The following TGFBR3 variants were observed in gnomAD, a reference collection of about 807,000 sequenced individuals.
The protein encoded by TGFBR3 is transforming growth factor beta receptor 3.
In TGFBR3, 46 loss-of-function variants were observed where a neutral mutation model predicts 87.9. The observed-to-expected ratio is 0.52, with a 90% CI of 0.41 to 0.67. The LOEUF is 0.67. Ranked by LOEUF, TGFBR3 falls within the 30% of genes least tolerant of loss-of-function variation. The pLI, the probability that TGFBR3 is intolerant of heterozygous loss-of-function variation, is 0.00. For synonymous variants in TGFBR3, 381 were observed against 391.6 expected, an observed-to-expected ratio of 0.97 and a Z score of 0.32; for missense variants, 866 against 1,041.9, an observed-to-expected ratio of 0.83 and a Z score of 2.32.
chr1:91,685,313 G>A (rs1432180979), intron 16 of TGFBR3, among the ~76,000 whole-genome samples: 1 of 138,994 alleles, frequency 7.2e-6, no homozygotes, highest in Non-Finnish European at 1.5e-5. Flanking sequence ...GAGAAGCACT[G>A]CCTTTTTTTT....
chr1:91,851,797 C>T (rs1304831232), intron 2 of TGFBR3, among the ~76,000 whole-genome samples: 1 of 152,218 alleles, frequency 6.6e-6, no homozygotes, highest in Non-Finnish European at 1.5e-5. Context: ...GGCAATTATA[C>T]AGCCTACGAT....
chr1:91,698,266 C>CTAAA (rs1285584288), intron 14 of TGFBR3, 136 bp from the exon 15 acceptor site: 1 of 776,264 alleles, frequency 1.3e-6, no homozygotes, highest in Non-Finnish European at 2.2e-6. Context: ...CAATGATCCT[C>CTAAA]TTTAGATATC....
At chr1:91,781,242 C>G (rs921938006) in intron 3 of TGFBR3, among the ~76,000 whole-genome samples, 1 of 152,130 alleles carries the variant, frequency 6.6e-6, no homozygotes, top group Non-Finnish European at 1.5e-5. Context: ...AGTTACTCAG[C>G]AGCAAAAAGG....
At chr1:91,867,314 G>A (rs562027187) in intron 1 of TGFBR3, among the ~76,000 whole-genome samples, 3 of 152,280 alleles carry the variant, frequency 2.0e-5, no homozygotes, top group East Asian at 1.9e-4. Flanking sequence ...CAGATGGTAC[G>A]AGGAGAGCAG....
chr1:91,750,410 C>A (rs531754604), intron 4 of TGFBR3, among the ~76,000 whole-genome samples: 1 of 152,120 alleles, frequency 6.6e-6, no homozygotes, highest in African/African-American at 2.4e-5. Context: ...CACAATAGGG[C>A]CAAAAACTCC....
chr1:91,876,215 G>C (rs1489539502), intron 1 of TGFBR3, among the ~76,000 whole-genome samples: 1 of 152,048 alleles, frequency 6.6e-6, no homozygotes, highest in East Asian at 1.9e-4. Context: ...AAGACTAAGA[G>C]TTATCAAAGA....
intron 1 of TGFBR3, among the ~76,000 whole-genome samples, chr1:91,873,360 G>A (rs1417001580): frequency 1.5e-5 from 2 of 136,572 alleles, no homozygotes; most frequent in African/African-American, 5.6e-5. Context: ...TCAGATCACT[G>A]CAACCTCTCC....
At chr1:91,886,887 C>T (rs1679334620), upstream of TGFBR3, among the ~76,000 whole-genome samples, 1 of 152,148 alleles carries the variant, frequency 6.6e-6, no homozygotes, top group Non-Finnish European at 1.5e-5. Flanking sequence ...ACGACAGTCT[C>T]GGCGGGGCAA....
rs72967104 is a variant in TGFBR3 at position 91,750,372 on chromosome 1, T to C, written c.384+8241A>G. The stretch of plus-strand genomic sequence containing the variant: ...GCTCTTTCCAATGTTCTAATTGCCA[T>C]AGTGACATTTAGGAAGAGCTCAATG... On this transcript the variant is annotated intron_variant, in intron 4 of 16. Transcript: ENST00000212355. Among the ~76,000 whole-genome samples the C allele has an allele frequency of 1.6e-3, 241 of 152,326 alleles. 1 individual carries two copies. Among genetic ancestry groups the C allele is most frequent in the African/African-American group, 5.6e-3 (231 of 41,582 alleles).
chr1:91,824,177 A>G (rs529449545), intron 2 of TGFBR3, among the ~76,000 whole-genome samples: 1 of 152,344 alleles, frequency 6.6e-6, no homozygotes, highest in South Asian at 2.1e-4. Flanking sequence ...ATCTATATAA[A>G]TTATACTTCG....
At chr1:91,742,204 T>C (rs1673182746) in intron 4 of TGFBR3, among the ~76,000 whole-genome samples, 1 of 152,160 alleles carries the variant, frequency 6.6e-6, no homozygotes, top group Non-Finnish European at 1.5e-5. Flanking sequence ...CAAGTGACTG[T>C]ACAGACCTTT....
chr1:91,698,304 T>A (rs535574975), intron 14 of TGFBR3, among the ~76,000 whole-genome samples, 174 bp from the exon 15 acceptor site: 1 of 152,272 alleles, frequency 6.6e-6, no homozygotes, highest in Admixed American at 6.5e-5. Flanking sequence ...CCCAGAAATT[T>A]TAAGCATTGC....
chr1:91,781,714 TA>T (rs147780379), intron 3 of TGFBR3, among the ~76,000 whole-genome samples: 5 of 149,226 alleles, frequency 3.4e-5, no homozygotes, highest in African/African-American at 7.4e-5. Context: ...AAAACACATT[TA>T]AAAAAAAAAC....
At chr1:91,768,134 C>G (rs954663607) in intron 3 of TGFBR3, among the ~76,000 whole-genome samples, 2 of 151,482 alleles carry the variant, frequency 1.3e-5, no homozygotes, top group South Asian at 4.2e-4. Flanking sequence ...ATCCCTTAAA[C>G]CCAGGAGGCG....
chr1:91,862,757 T>C (rs1332942972), intron 1 of TGFBR3, among the ~76,000 whole-genome samples: 1 of 152,160 alleles, frequency 6.6e-6, no homozygotes, highest in Non-Finnish European at 1.5e-5. Context: ...TCATCAAGAA[T>C]AAAAGTTATG....
intron 4 of TGFBR3, among the ~76,000 whole-genome samples, chr1:91,752,992 ACTC>A (rs1255234202): frequency 6.6e-6 from 1 of 151,020 alleles, no homozygotes; most frequent in East Asian, 2.0e-4. Flanking sequence ...ATGCCACTGA[ACTC>A]TAGCTTGGGC....
chr1:91,719,539 T>C (rs1672288337), intron 9 of TGFBR3, 75 bp from the exon 10 acceptor site: 9 of 1,584,888 alleles, frequency 5.7e-6, no homozygotes, highest in Non-Finnish European at 6.9e-6. Context: ...CAATTGACAA[T>C]TGCCTGGTCT....
rs1267455343 is a variant in TGFBR3 at position 91,681,667 on chromosome 1, T to C, written c.*2072A>G. 4.5e-6 allele frequency: 2 copies of C among 442,048 alleles called. No homozygotes were observed. Among genetic ancestry groups the C allele is most frequent in the East Asian group, 7.0e-5 (1 of 14,236 alleles). The allele number at this position is 442,048 out of a possible 1,614,324, so 27.4% of individuals were successfully genotyped here. On this transcript the variant is annotated 3_prime_UTR_variant, in exon 17 of 17. Coordinates refer to ENST00000212355, the MANE Select transcript of TGFBR3 (RefSeq NM_003243.5). ...ACAGTAGCTGAAATTAAACATTTCA[T>C]ATGGAGTAACTTAAATTTATCTAAA...
At position 91,712,472 on chromosome 1, in the gene TGFBR3, T is replaced by C. The variant is rs774922685; in HGVS notation, c.1937A>G (p.Asn646Ser). 7 of 1,614,060 alleles carry C rather than the reference T, an allele frequency of 4.3e-6. No individual in the cohort carries two copies. In the East Asian group the frequency reaches 1.3e-4, roughly 31 times the overall value. ...GGTGTAATGAGACATCCTATCAGGG[T>C]TCGAATATGGAGAGATAAAGCACGT... is the stretch of plus-strand genomic sequence containing the variant. Reference protein sequence around the residue: ...IQTCFISPYSNPDRMSHYTII... With the variant: ...IQTCFISPYSSPDRMSHYTII... Residue 646 changes from asparagine (N) to serine (S), a missense_variant, in exon 13 of 17, where the codon AAC becomes AGC. Physicochemically the swap from Asn to Ser is conservative, Grantham distance 46. Transcript: ENST00000212355.
Sources: allele counts gnomAD v4.1 joint callset (sites outside exome capture counted in the v4.1 genomes callset), GRCh38; gene constraint gnomAD v4.1.1; transcripts MANE v1.5; gene names NCBI Gene and HGNC (gene_info 2026-07-23, HGNC 2026-07-21).